Variants in CNBD1 observed in about 807,000 individuals in gnomAD.
CNBD1 encodes the protein cyclic nucleotide binding domain containing 1.
CNBD1 carries 71 observed loss-of-function variants against 54.4 expected under a neutral mutation model. The observed-to-expected ratio is 1.30, with a 90% CI of 1.08 to 1.59. The LOEUF (loss-of-function observed/expected upper bound fraction) is 1.59, where lower values mean the gene tolerates loss of function less well. Ranked by LOEUF, CNBD1 falls within the 40% of genes most tolerant of loss-of-function variation. The pLI is 0.00. For missense variants in CNBD1, 659 were observed against 518.0 expected (o/e 1.27, Z -2.64); for synonymous variants, 182 against 170.7 (o/e 1.07, Z -0.51).
At chr8:87,395,622 C>G (rs548807896) in intron 2 of CNBD1, among the ~76,000 whole-genome samples, 217 of 151,966 alleles carry the variant, frequency 1.4e-3, no homozygotes, top group Admixed American at 2.8e-3. Context: ...TGATCATTCT[C>G]TCTAAAAGCA....
At chr8:87,267,597 G>A (rs547140194) in intron 6 of CNBD1, among the ~76,000 whole-genome samples, 1 of 152,082 alleles carries the variant, frequency 6.6e-6, no homozygotes, top group Admixed American at 6.6e-5. Context: ...TATCACAATT[G>A]CTTCATAGCT....
intron 7 of CNBD1, among the ~76,000 whole-genome samples, chr8:87,285,539 C>A (rs1379641863): frequency 6.6e-6 from 1 of 151,894 alleles, no homozygotes; most frequent in Non-Finnish European, 1.5e-5. Context: ...GGAGTTCGAG[C>A]CAGCCTGACC....
At chr8:86,964,538 A>G (rs950136708) in intron 4 of CNBD1, among the ~76,000 whole-genome samples, 1 of 152,216 alleles carries the variant, frequency 6.6e-6, no homozygotes, top group Admixed American at 6.5e-5. Flanking sequence ...GAAGGCCAAT[A>G]TATGCCTGTC....
chr8:87,226,372 G>C (rs922806683), intron 5 of CNBD1, among the ~76,000 whole-genome samples: 4 of 150,414 alleles, frequency 2.7e-5, no homozygotes, highest in African/African-American at 1.0e-4. Flanking sequence ...TCTCTTGTGA[G>C]CATTTAGTGC....
At position 87,357,310 on chromosome 8, in the gene CNBD1, G is replaced by A. The variant is rs1399607081; in HGVS notation, c.1303+3524G>A. 2.0e-5 allele frequency among the ~76,000 whole-genome samples: 3 copies of A among 152,176 alleles called. 1 individual carries two copies. The highest frequency in any genetic ancestry group is 7.2e-5 in the African/African-American group (3 of 41,442). On this transcript the variant is annotated intron_variant, in intron 10 of 10. Transcript: ENST00000518476. Reference sequence around the variant, plus strand: ...CCTGAGAATGGTAGAGCCATGGGCAGCTTGCACTCTGAGCCTGGAAAAGCT... The same window carrying A: ...CCTGAGAATGGTAGAGCCATGGGCAACTTGCACTCTGAGCCTGGAAAAGCT...
At chr8:87,425,497 G>C (rs556174760) in intron 2 of CNBD1, among the ~76,000 whole-genome samples, 2,021 of 152,198 alleles carry the variant, frequency 0.013, 35 homozygotes, top group African/African-American at 0.046. Context: ...ATGGGTTTTT[G>C]GTGTGGATGT....
intron 8 of CNBD1, among the ~76,000 whole-genome samples, chr8:87,320,978 T>G (rs1350780162): frequency 1.3e-5 from 2 of 152,164 alleles, no homozygotes; most frequent in African/African-American, 2.4e-5. Context: ...CTCCTGTGAC[T>G]GGCTTATTTC....
intron 4 of CNBD1, among the ~76,000 whole-genome samples, chr8:87,041,763 C>T (rs1229644716): frequency 6.6e-6 from 1 of 152,092 alleles, no homozygotes; most frequent in Non-Finnish European, 1.5e-5. Context: ...CATGCCACTG[C>T]ACTCCAGCCC....
intron 5 of CNBD1, among the ~76,000 whole-genome samples, chr8:87,226,461 A>C (rs941610171): frequency 3.4e-5 from 5 of 148,818 alleles, no homozygotes; most frequent in Non-Finnish European, 7.4e-5. Flanking sequence ...CGTTGGTTTC[A>C]AAGAACATCT....
At chr8:87,375,449 G>C (rs1342839500) in intron 10 of CNBD1, among the ~76,000 whole-genome samples, 4 of 151,334 alleles carry the variant, frequency 2.6e-5, no homozygotes, top group Non-Finnish European at 4.4e-5. Context: ...ATAGAACAAG[G>C]CTTAGAAATA....
At chr8:86,973,687 A>G (rs74517051) in intron 4 of CNBD1, among the ~76,000 whole-genome samples, 2,182 of 152,304 alleles carry the variant, frequency 0.014, 58 homozygotes, top group African/African-American at 0.051. Flanking sequence ...TTTTGTAGCA[A>G]GTTGACACAT....
At chr8:87,084,313 T>C (rs546043319) in intron 4 of CNBD1, among the ~76,000 whole-genome samples, 2 of 152,346 alleles carry the variant, frequency 1.3e-5, no homozygotes, top group South Asian at 4.1e-4. Flanking sequence ...TTCTGTCTGG[T>C]ATTATAATCC....
At chr8:87,294,873 T>C (rs545347489) in intron 8 of CNBD1, among the ~76,000 whole-genome samples, 2 of 152,038 alleles carry the variant, frequency 1.3e-5, no homozygotes, top group Non-Finnish European at 2.9e-5. Context: ...ATTCAGAATA[T>C]ATGTATTTTA....
chr8:86,956,186 C>G (rs867769736), intron 4 of CNBD1, among the ~76,000 whole-genome samples: 3 of 151,994 alleles, frequency 2.0e-5, no homozygotes, highest in Admixed American at 6.6e-5. Context: ...TTCCATTGAT[C>G]TATATCTCTG....
intron 8 of CNBD1, among the ~76,000 whole-genome samples, chr8:87,306,652 T>C (rs1046887569): frequency 1.3e-5 from 2 of 151,982 alleles, no homozygotes; most frequent in Admixed American, 1.3e-4. Flanking sequence ...CTAAGTGAGG[T>C]AACTCAGGAT....
At chr8:87,358,132 C>A (rs144075003) in intron 10 of CNBD1, among the ~76,000 whole-genome samples, 173 of 152,268 alleles carry the variant, frequency 1.1e-3, no homozygotes, top group African/African-American at 3.8e-3. Flanking sequence ...ACTTGCAGAA[C>A]TATCAGTCAA....
At chr8:87,386,317 G>A (rs1187696882), downstream of CNBD1, among the ~76,000 whole-genome samples, 5 of 152,044 alleles carry the variant, frequency 3.3e-5, 1 homozygote, top group South Asian at 4.1e-4. Context: ...ACTACTCCGA[G>A]CTAAAGCAGG....
intron 2 of CNBD1, among the ~76,000 whole-genome samples, chr8:87,426,191 C>G (rs556226366): frequency 2.6e-5 from 4 of 152,158 alleles, no homozygotes; most frequent in Non-Finnish European, 4.4e-5. Context: ...GCACGGTGCG[C>G]GCACCCACTG....
At chr8:86,870,212 G>A (rs1174503483) in intron 1 of CNBD1, among the ~76,000 whole-genome samples, 8 of 31,444 alleles carry the variant, frequency 2.5e-4, no homozygotes, top group African/African-American at 4.1e-4. Flanking sequence ...TTTCTGAGAC[G>A]GAATCTCGCT....
Sources: gnomAD v4.1 joint callset for allele counts (sites outside exome capture counted in the v4.1 genomes callset) on GRCh38, gnomAD v4.1.1 for gene constraint, MANE v1.5 for transcripts, NCBI Gene and HGNC (gene_info 2026-07-23, HGNC 2026-07-21) for gene names.